KRT31: variants seen among roughly 807,000 people sequenced by gnomAD.
The protein encoded by KRT31 is keratin 31.
Under a neutral mutation model 40.8 loss-of-function variants are expected in KRT31, and 27 were observed. The ratio of observed to expected loss-of-function variants is 0.66; its 90% CI spans 0.49 to 0.91. KRT31 has a LOEUF of 0.91. KRT31 is among the 40% of genes least tolerant of loss of function. The pLI is 0.00. For synonymous variants in KRT31, 231 were observed against 231.9 expected (o/e 1.00, Z 0.03); for missense variants, 510 against 544.1 (o/e 0.94, Z 0.62).
Position 41,396,534 on chromosome 17 carries a change from G to A in KRT31, c.474C>T (p.Asp158=). Residue 158 remains aspartate (D), a synonymous_variant, in exon 3 of 7, where the codon GAC becomes GAT. Transcript: ENST00000251645. ...ELSLRQLVES[D]INGLRRILDE... is the part of the protein sequence containing the mutation. ...CCAGGATCCTGCGCAGACCGTTGAT[G>A]TCCGACTCCACCAGCTGCCGCAGGG... is the stretch of plus-strand genomic sequence containing the variant. 1 of 1,614,184 alleles carries A rather than the reference G, an allele frequency of 6.2e-7. No homozygotes were observed. The highest frequency in any genetic ancestry group is 8.5e-7 in the Non-Finnish European group (1 of 1,180,016).
Position 41,397,594 on chromosome 17 carries a change from A to C in KRT31, c.-55T>G. The C allele has an allele frequency of 6.5e-7, 1 of 1,535,934 alleles. No homozygotes were observed. Among genetic ancestry groups the C allele is most frequent in the Non-Finnish European group, 8.8e-7 (1 of 1,139,620 alleles). On this transcript the variant is annotated 5_prime_UTR_variant, in exon 1 of 7. Coordinates refer to ENST00000251645, the MANE Select transcript of KRT31 (RefSeq NM_002277.3). ...GCTGAAGACAGAGTCTAAATTCTCCAAGCCACAGAGCTGTGGGTCTCCTTC... is the reference window on the plus strand; with the variant it reads ...GCTGAAGACAGAGTCTAAATTCTCCCAGCCACAGAGCTGTGGGTCTCCTTC...
At chr17:41,396,665 C>G in intron 2 of KRT31, 89 bp from the exon 3 acceptor site, 1 of 1,453,894 alleles carries the variant, frequency 6.9e-7, no homozygotes, top group Non-Finnish European at 9.3e-7. Context: ...CTTATCTTTC[C>G]ACTTTCTGTA....
At chr17:41,395,720 G>T in intron 3 of KRT31, 97 bp from the exon 4 acceptor site, 1 of 1,423,536 alleles carries the variant, frequency 7.0e-7, no homozygotes, top group Admixed American at 2.4e-5. Context: ...CTATTTTCTC[G>T]GAAAAGAAAC....
chr17:41,397,561 A>T lies in KRT31; in HGVS notation c.-22T>A. 6.3e-7 allele frequency: 1 copy of T among 1,591,544 alleles called. No homozygotes were observed. The highest frequency in any genetic ancestry group is 8.6e-7 in the Non-Finnish European group (1 of 1,167,808). Reference sequence around the variant, plus strand: ...GCATAGTGCTGGGAGGGAGGGAGGGAGTGCCTGGCTGAAGACAGAGTCTAA... The same window carrying T: ...GCATAGTGCTGGGAGGGAGGGAGGGTGTGCCTGGCTGAAGACAGAGTCTAA... On this transcript the variant is annotated 5_prime_UTR_variant, in exon 1 of 7. Coordinates refer to ENST00000251645, the MANE Select transcript of KRT31 (RefSeq NM_002277.3).
At chr17:41,395,690 C>T in intron 3 of KRT31, 67 bp from the exon 4 acceptor site, 1 of 1,536,364 alleles carries the variant, frequency 6.5e-7, no homozygotes. Context: ...AATGGCATTG[C>T]TTGTTGAAAC....
intron 4 of KRT31, 33 bp downstream of exon 4, chr17:41,395,429 G>C (rs765072918): frequency 2.5e-6 from 4 of 1,613,970 alleles, no homozygotes; most frequent in Non-Finnish European, 3.4e-6. Flanking sequence ...GGGGGGCCTT[G>C]GGTCCTGAGG....
chr17:41,395,647 G>A (rs1461100435), intron 3 of KRT31, 24 bp from the exon 4 acceptor site: 20 of 1,608,436 alleles, frequency 1.2e-5, no homozygotes, highest in Non-Finnish European at 1.7e-5. Context: ...AAATACAAGA[G>A]TTACTATGCT....
intron 3 of KRT31, 33 bp from the exon 4 acceptor site, chr17:41,395,656 C>T (rs2018214666): frequency 1.9e-6 from 3 of 1,601,124 alleles, no homozygotes; most frequent in Non-Finnish European, 1.7e-6. Flanking sequence ...AGTTACTATG[C>T]TCAGCAAAGA....
intron 3 of KRT31, 86 bp downstream of exon 3, chr17:41,396,334 C>T: frequency 7.5e-7 from 1 of 1,335,804 alleles, no homozygotes; most frequent in South Asian, 1.4e-5. Context: ...TGTACTCATA[C>T]TCTGCATTCT....
In KRT31 at chr17:41,396,676, A is replaced by G. The variant is rs2018232859; in HGVS notation, c.432-100T>C. ...GTGCCTTATCTTTCCACTTTCTGTA[A>G]TGAATAGGCCCAGGAGACAGAGGTT... On this transcript the variant is annotated intron_variant, in intron 2 of 6. Transcript: ENST00000251645. 4 of 1,365,372 alleles carry G rather than the reference A, an allele frequency of 2.9e-6. No individual in the cohort carries two copies. In the African/African-American group the frequency reaches 5.8e-5, roughly 20 times the overall value. 84.6% of individuals were successfully genotyped at this position (1,365,372 alleles called of 1,614,324 possible).
rs1268148866 is a variant in KRT31 at position 41,393,908 on chromosome 17, T to TCCAGC, written c.*103_*107dup. On this transcript the variant is annotated 3_prime_UTR_variant, in exon 7 of 7. Coordinates refer to ENST00000251645, the MANE Select transcript of KRT31 (RefSeq NM_002277.3). ...TTCTTGGCTGCCTTACGCGGGCAAC[T>TCCAGC]CCAGCCATGCAAATGATGTTTTCAG... 7.7e-7 allele frequency: 1 copy of TCCAGC among 1,304,126 alleles called. No homozygotes were observed. The highest frequency in any genetic ancestry group is 1.5e-5 in the African/African-American group (1 of 66,704). 80.8% of individuals were successfully genotyped at this position (1,304,126 alleles called of 1,614,324 possible).
rs1404342342 is a variant in KRT31, at chr17:41,397,021, A to G, written c.349-26T>C. 7 of 1,595,136 alleles carry G rather than the reference A, an allele frequency of 4.4e-6. No homozygotes were observed. In the Admixed American group the frequency reaches 1.2e-4, roughly 27 times the overall value. On this transcript the variant is annotated intron_variant, in intron 1 of 6. Transcript: ENST00000251645. ...CTGGGGAGTGAGAGGTGGCTTAGTG[A>G]GGACTGAAAATAAATATGAAATCAT...
chr17:41,393,814 A>AC lies in KRT31; in HGVS notation c.*201dup, dbSNP rs2018172488. On this transcript the variant is annotated 3_prime_UTR_variant, in exon 7 of 7. Transcript: ENST00000251645. ...TCTGGGTGAGCATAGGAAGGAACAG[A>AC]CCCCCAGGAAGGAAAGGGTGAGCAG... is the stretch of plus-strand genomic sequence containing the variant. The AC allele has an allele frequency of 3.5e-6, 2 of 563,832 alleles. No homozygotes were observed. Among genetic ancestry groups the AC allele is most frequent in the Non-Finnish European group, 6.1e-6 (2 of 327,546 alleles). 34.9% of individuals were successfully genotyped at this position (563,832 alleles called of 1,614,324 possible).
chr17:41,397,075 T>C, intron 1 of KRT31, 80 bp from the exon 2 acceptor site: 2 of 1,582,506 alleles, frequency 1.3e-6, no homozygotes, highest in East Asian at 2.2e-5. Context: ...TTAAGCCATT[T>C]TGAAATAAAA....
In KRT31 at chr17:41,394,273, C is replaced by G. The variant is rs1262074398; in HGVS notation, c.1098-104G>C. 13 of 1,270,754 alleles carry G rather than the reference C, an allele frequency of 1.0e-5. No homozygotes were observed. The Admixed American group carries it at 1.6e-4, about 16-fold the overall frequency. 78.7% of individuals were successfully genotyped at this position (1,270,754 alleles called of 1,614,324 possible). ...AGAATGCCTGGGTCAAGGGACTTGACCTGGCCTAGAACAGAAAAGGCACAG... is the reference window on the plus strand; with the variant it reads ...AGAATGCCTGGGTCAAGGGACTTGAGCTGGCCTAGAACAGAAAAGGCACAG... On this transcript the variant is annotated intron_variant, in intron 6 of 6. Coordinates refer to ENST00000251645, the MANE Select transcript of KRT31 (RefSeq NM_002277.3).
intron 4 of KRT31, 32 bp from the exon 5 acceptor site, chr17:41,395,402 C>G (rs1195892642): frequency 1.9e-6 from 3 of 1,614,048 alleles, no homozygotes; most frequent in Non-Finnish European, 2.5e-6. Flanking sequence ...AGGATCAGAC[C>G]CTGCCTCCGG....
At position 41,393,984 on chromosome 17, in the gene KRT31, T is replaced by G; in HGVS notation, c.*32A>C. On this transcript the variant is annotated 3_prime_UTR_variant, in exon 7 of 7. Coordinates refer to ENST00000251645, the MANE Select transcript of KRT31 (RefSeq NM_002277.3). ...GTCACAGCTCTGGAGTCCTGGGCCCTGCATCCTTGCTCCTCTGGCATTCCC... is the reference window on the plus strand; with the variant it reads ...GTCACAGCTCTGGAGTCCTGGGCCCGGCATCCTTGCTCCTCTGGCATTCCC... The G allele has an allele frequency of 1.2e-6, 2 of 1,608,058 alleles. No homozygotes were observed. The highest frequency in any genetic ancestry group is 8.5e-7 in the Non-Finnish European group (1 of 1,178,472).
In KRT31 at chr17:41,397,396, G is replaced by A. The variant is rs764087202; in HGVS notation, c.144C>T (p.Cys48=). The A allele has an allele frequency of 2.6e-5, 42 of 1,612,824 alleles. No individual in the cohort carries two copies. Among genetic ancestry groups the A allele is most frequent in the Non-Finnish European group, 3.3e-5 (39 of 1,180,046 alleles). The change falls in exon 1 of 7, where the codon TGC becomes TGT. Residue 48 remains cysteine, a synonymous_variant. Coordinates refer to ENST00000251645, the MANE Select transcript of KRT31 (RefSeq NM_002277.3). Reference sequence around the variant, plus strand: ...TCTCGCTACCATTGAAGGAGCCCTCGCAGAACCAGTTGCAGTTGCTCACAT... The same window carrying A: ...TCTCGCTACCATTGAAGGAGCCCTCACAGAACCAGTTGCAGTTGCTCACAT... ...PANVSNCNWF[C]EGSFNGSEKE...
Position 41,395,510 on chromosome 17 carries a change from G to A in KRT31, c.702C>T (p.Ala234=), listed in dbSNP as rs769809007. 9.3e-6 allele frequency: 15 copies of A among 1,614,030 alleles called. 1 individual carries two copies. Among genetic ancestry groups the A allele is most frequent in the Middle Eastern group, 1.6e-4 (1 of 6,084 alleles). The change falls in exon 4 of 7, where the codon GCC becomes GCT. Residue 234 remains alanine, a synonymous_variant. Transcript: ENST00000251645. The part of the protein sequence containing the change: ...VLNETRSQYE[A]LVETNRREVE... Reference sequence around the variant, plus strand: ...CTTCCCTGCGGTTGGTTTCCACCAGGGCCTCATACTGACTCCTGGTCTCGT... The same window carrying A: ...CTTCCCTGCGGTTGGTTTCCACCAGAGCCTCATACTGACTCCTGGTCTCGT...
Sources: allele counts gnomAD v4.1 joint callset, GRCh38; gene constraint gnomAD v4.1.1; transcripts MANE v1.5; gene names NCBI Gene and HGNC (gene_info 2026-07-23, HGNC 2026-07-21).